Variants in DENND4C observed in about 807,000 individuals in gnomAD.
The protein encoded by DENND4C is DENN domain containing 4C, also known as DENN domain-containing protein 4C.
In DENND4C, 108 loss-of-function variants were observed where a neutral mutation model predicts 203.0. The ratio of observed to expected loss-of-function variants is 0.53; its 90% confidence interval spans 0.46 to 0.62. The LOEUF (loss-of-function observed/expected upper bound fraction) is 0.62, where lower values mean the gene tolerates loss of function less well. DENND4C is among the 20% of genes least tolerant of loss of function. The pLI is 0.00. For missense variants in DENND4C, 2,481 were observed against 2,301.2 expected (o/e 1.08, Z -1.60); for synonymous variants, 871 against 792.4 (o/e 1.10, Z -1.67).
At chr9:19,238,454 CTCCCCTCCCCTCCCTCTCCCCTCCCCT>C (rs1822610027) in intron 1 of DENND4C, among the ~76,000 whole-genome samples, 1 of 64,520 alleles carries the variant, frequency 1.5e-5, no homozygotes, top group African/African-American at 7.0e-5. Flanking sequence ...TTTCCTTCCC[CTCCCCTCCCCTCCCTCTCCCCTCCCCT>C]CCCCCTTCTC....
At chr9:19,339,304 C>G (rs1405356880) in intron 20 of DENND4C, among the ~76,000 whole-genome samples, 1 of 152,170 alleles carries the variant, frequency 6.6e-6, no homozygotes, top group African/African-American at 2.4e-5. Context: ...TGTCAGTTAT[C>G]CCAGTGTTCC....
At chr9:19,287,832 A>G (rs1014638909) in intron 3 of DENND4C, among the ~76,000 whole-genome samples, 1 of 152,126 alleles carries the variant, frequency 6.6e-6, no homozygotes, top group African/African-American at 2.4e-5. Flanking sequence ...TCCCAGGTTC[A>G]AGCGATTCTC....
chr9:19,230,966 G>A (rs1408856752), intron 1 of DENND4C, 133 bp downstream of exon 1: 1 of 152,374 alleles, frequency 6.6e-6, no homozygotes, highest in Non-Finnish European at 1.5e-5. Context: ...GGCCCGCGGG[G>A]GGTCGCCGAG....
intron 17 of DENND4C, among the ~76,000 whole-genome samples, chr9:19,334,682 TG>T (rs1310018597): frequency 3.3e-5 from 5 of 151,822 alleles, no homozygotes; most frequent in Admixed American, 1.3e-4. Flanking sequence ...TGCACCACCA[TG>T]CCCATCTAAT....
chr9:19,347,163 G>A, intron 23 of DENND4C, 77 bp downstream of exon 23: 2 of 1,380,220 alleles, frequency 1.4e-6, no homozygotes, highest in East Asian at 4.7e-5. Flanking sequence ...ATGTATTCTT[G>A]TTCAGAGATT....
rs183664868 is a variant in DENND4C at position 19,368,247 on chromosome 9, G to A, written c.5525-1590G>A. 1.3e-4 allele frequency among the ~76,000 whole-genome samples: 19 copies of A among 146,194 alleles called. No individual in the cohort carries two copies. The East Asian group carries it at 3.1e-3, about 24-fold the overall frequency. ...CAGTATTTCCTGTTATCATAACAGA[G>A]GACTTTGCTATTTTTTTTTTTTTTT... On this transcript the variant is annotated intron_variant, in intron 30 of 32. Transcript: ENST00000434457.
At chr9:19,313,905 G>A (rs1484625472) in intron 10 of DENND4C, among the ~76,000 whole-genome samples, 1 of 152,110 alleles carries the variant, frequency 6.6e-6, no homozygotes, top group Non-Finnish European at 1.5e-5. Flanking sequence ...AAGCTATGAG[G>A]ACACAAGGCA....
chr9:19,336,541 A>G, intron 19 of DENND4C, 127 bp downstream of exon 19: 2 of 1,427,950 alleles, frequency 1.4e-6, no homozygotes, highest in South Asian at 3.0e-5. Flanking sequence ...TTAAAGACAG[A>G]TTGTCTTAGT....
chr9:19,262,347 C>T (rs571197471), intron 1 of DENND4C, among the ~76,000 whole-genome samples: 97 of 152,096 alleles, frequency 6.4e-4, no homozygotes, highest in Non-Finnish European at 1.3e-3. Context: ...CTCAGCCTCC[C>T]AGAGTGCTGG....
intron 1 of DENND4C, among the ~76,000 whole-genome samples, chr9:19,248,391 C>CT (rs199710017): frequency 0.02 from 2,928 of 149,346 alleles, 88 homozygotes; most frequent in African/African-American, 0.066. Flanking sequence ...GATCTTACTT[C>CT]TTTTTTTTTT....
intron 1 of DENND4C, among the ~76,000 whole-genome samples, chr9:19,236,418 T>C (rs1821981677): frequency 6.6e-6 from 1 of 152,168 alleles, no homozygotes; most frequent in Non-Finnish European, 1.5e-5. Flanking sequence ...AAAAATGTGA[T>C]GAAGTTTATT....
Position 19,352,635 on chromosome 9 carries a change from T to C in DENND4C, c.4751T>C (p.Ile1584Thr). The part of the protein sequence containing the change: ...CKSNFLPLLN[I>T]EFKDLRGSAS... The stretch of plus-strand genomic sequence containing the variant: ...AGCAACTTCTTGCCTCTTCTCAATA[T>C]AGAATTCAAAGATTTGAGAGGTTCT... The change falls in exon 26 of 33, where the codon ATA becomes ACA. Residue 1584 changes from isoleucine (I) to threonine (T), a missense_variant. Transcript: ENST00000434457. 1.2e-6 allele frequency: 2 copies of C among 1,610,342 alleles called. No individual in the cohort carries two copies. Among genetic ancestry groups the C allele is most frequent in the Non-Finnish European group, 1.7e-6 (2 of 1,177,952 alleles).
chr9:19,373,865 C>T lies in DENND4C; in HGVS notation c.*1692C>T. 6.6e-6 allele frequency among the ~76,000 whole-genome samples: 1 copy of T among 152,106 alleles called. No homozygotes were observed. The highest frequency in any genetic ancestry group is 1.9e-4 in the East Asian group (1 of 5,204). On this transcript the variant is annotated 3_prime_UTR_variant, in exon 33 of 33. Transcript: ENST00000434457. Reference sequence around the variant, plus strand: ...CATTTACAAATTATAGTTATTGTACCAGTCTTTCAACATTTCAGGGTTAAT... The same window carrying T: ...CATTTACAAATTATAGTTATTGTACTAGTCTTTCAACATTTCAGGGTTAAT...
rs1413486343 is a variant in DENND4C, at chr9:19,332,117, G to T, written c.2393G>T (p.Arg798Ile). The T allele has an allele frequency of 6.2e-7, 1 of 1,614,014 alleles. No homozygotes were observed. Residue 798 changes from arginine to isoleucine, a missense_variant, in exon 17 of 33, where the codon AGA becomes ATA. Arg to Ile is a moderately conservative substitution (Grantham distance 97). Around this residue, in one of 3 missense-constraint regions of DENND4C, gnomAD observed 2,289 missense variants for 2,113.3 expected, o/e 1.08. Transcript: ENST00000434457. ...GTTAGAGTTTCTCATCCTAAAGTCA[G>T]AGCACTTCAGCAGGCATATGATGTA... ...AYVRVSHPKVRALQQAYDVLI... is the reference protein window; with the variant it reads ...AYVRVSHPKVIALQQAYDVLI...
chr9:19,238,482 CCCCCT>C (rs1822663715), intron 1 of DENND4C, among the ~76,000 whole-genome samples: 1 of 28,056 alleles, frequency 3.6e-5, no homozygotes, highest in Non-Finnish European at 6.6e-5. Context: ...CCCCTCCCCT[CCCCCT>C]TCTCCTCCCC....
intron 1 of DENND4C, among the ~76,000 whole-genome samples, chr9:19,250,644 T>A (rs1826333813): frequency 6.6e-6 from 1 of 151,062 alleles, no homozygotes; most frequent in African/African-American, 2.5e-5. Context: ...AGTTAGTTAC[T>A]TCCTGGATTC....
At chr9:19,301,174 G>A (rs534031522) in intron 9 of DENND4C, among the ~76,000 whole-genome samples, 3 of 147,530 alleles carry the variant, frequency 2.0e-5, no homozygotes, top group South Asian at 4.3e-4. Flanking sequence ...GTGAAACTCC[G>A]TCTCAAAAAA....
At chr9:19,307,630 C>T (rs1460404317) in intron 10 of DENND4C, among the ~76,000 whole-genome samples, 1 of 151,548 alleles carries the variant, frequency 6.6e-6, no homozygotes, top group Non-Finnish European at 1.5e-5. Flanking sequence ...ATTAGCCAGG[C>T]ATGGTGGTGG....
chr9:19,274,083 A>AT (rs1832342542), intron 1 of DENND4C, among the ~76,000 whole-genome samples: 1 of 152,074 alleles, frequency 6.6e-6, no homozygotes, highest in African/African-American at 2.4e-5. Context: ...ATAAAAGGGA[A>AT]TGAACTGTTG....
Sources: gnomAD v4.1 joint callset for allele counts (sites outside exome capture counted in the v4.1 genomes callset) on GRCh38, gnomAD v4.1.1 for gene constraint, gnomAD v4.1.1 regional missense constraint, MANE v1.5 for transcripts, NCBI Gene and HGNC (gene_info 2026-07-23, HGNC 2026-07-21) for gene names.